LINGO2: variants seen among roughly 807,000 people sequenced by gnomAD.
LINGO2 encodes the protein leucine rich repeat and Ig domain containing 2, also known as leucine-rich repeat and immunoglobulin-like domain-containing nogo receptor-interacting protein 2.
In LINGO2, 14 loss-of-function variants were observed where a neutral mutation model predicts 30.6. The ratio of observed to expected loss-of-function variants is 0.46; its 90% CI spans 0.30 to 0.72. The LOEUF is 0.72. LINGO2 is among the 30% of genes least tolerant of loss of function. The pLI is 0.07. For missense variants in LINGO2, 729 were observed against 751.7 expected (o/e 0.97, Z 0.35); for synonymous variants, 317 against 288.5 (o/e 1.10, Z -1.00).
chr9:28,873,353 C>T, the LINGO2 span, among the ~76,000 whole-genome samples: 1 of 145,694 alleles, frequency 6.9e-6, no homozygotes, highest in Non-Finnish European at 1.5e-5. Context: ...ACTCTCTAGC[C>T]TGGATGACAG....
At chr9:28,043,565 C>A (rs1047341933) in intron 4 of LINGO2, among the ~76,000 whole-genome samples, 1 of 152,180 alleles carries the variant, frequency 6.6e-6, no homozygotes, top group South Asian at 2.1e-4. Context: ...GAATGCTGTT[C>A]TAGTTATTAC....
the LINGO2 span, among the ~76,000 whole-genome samples, chr9:28,774,034 T>C: frequency 2.4e-5 from 3 of 124,422 alleles, no homozygotes; most frequent in Non-Finnish European, 5.0e-5. Context: ...TGTCATTTTC[T>C]TTTTGATACA....
At chr9:29,038,429 G>C in the LINGO2 span, among the ~76,000 whole-genome samples, 2 of 151,980 alleles carry the variant, frequency 1.3e-5, no homozygotes, top group South Asian at 4.1e-4. Flanking sequence ...ACACTGAAGG[G>C]AATGTTCACT....
At chr9:28,068,004 A>T (rs1006416764) in intron 4 of LINGO2, among the ~76,000 whole-genome samples, 2 of 152,042 alleles carry the variant, frequency 1.3e-5, no homozygotes, top group Non-Finnish European at 1.5e-5. Context: ...AATATACTCA[A>T]CAAAGTTGTG....
At chr9:28,630,848 G>A (rs1458538271) in intron 1 of LINGO2, among the ~76,000 whole-genome samples, 1 of 149,348 alleles carries the variant, frequency 6.7e-6, no homozygotes, top group South Asian at 2.1e-4. Flanking sequence ...GTAACCCTCA[G>A]AATCAAAACA....
At chr9:28,470,648 C>T (rs934525784) in intron 2 of LINGO2, among the ~76,000 whole-genome samples, 3 of 152,056 alleles carry the variant, frequency 2.0e-5, no homozygotes, top group African/African-American at 4.8e-5. Flanking sequence ...CAATCATTCT[C>T]CTGCAACAAA....
the LINGO2 span, among the ~76,000 whole-genome samples, chr9:28,799,634 C>G: frequency 1.3e-5 from 2 of 152,140 alleles, no homozygotes; most frequent in African/African-American, 4.8e-5. Flanking sequence ...GCAGTGACCT[C>G]TGAGGCCTGA....
chr9:28,273,457 G>T (rs1009592462), intron 4 of LINGO2, among the ~76,000 whole-genome samples: 7 of 152,190 alleles, frequency 4.6e-5, no homozygotes, highest in Non-Finnish European at 1.0e-4. Flanking sequence ...TGGTCCCTTA[G>T]TATTTTGGTA....
At chr9:29,032,145 T>C in the LINGO2 span, among the ~76,000 whole-genome samples, 1 of 152,168 alleles carries the variant, frequency 6.6e-6, no homozygotes, top group Non-Finnish European at 1.5e-5. Flanking sequence ...ATGCATTTGG[T>C]CCATAAACAT....
chr9:28,401,249 G>A (rs1004890923), intron 2 of LINGO2, among the ~76,000 whole-genome samples: 1 of 151,978 alleles, frequency 6.6e-6, no homozygotes, highest in Admixed American at 6.6e-5. Flanking sequence ...ATGCTGGTTT[G>A]CTGCACCTAT....
At position 27,949,849 on chromosome 9, in the gene LINGO2, G is replaced by C. The variant is rs111405272; in HGVS notation, c.823C>G (p.Leu275Val). ...TTGTAGGAGAGGTTAAGGTGAGTCA[G>C]GTATACCAGGTGTTTAAAGGCAAGG... The change falls in exon 6 of 6, where the codon CTG (leucine) becomes GTG (valine). Residue 275 changes from leucine (L) to valine (V), a missense_variant. Coordinates refer to ENST00000379992, the Ensembl canonical transcript of LINGO2. 47 of 1,613,968 alleles carry C rather than the reference G, an allele frequency of 2.9e-5. No homozygotes were observed. The Admixed American group carries it at 4.0e-4, about 14-fold the overall frequency.
chr9:29,112,828 C>T, the LINGO2 span, among the ~76,000 whole-genome samples: 1 of 152,042 alleles, frequency 6.6e-6, no homozygotes. Context: ...TAAGAAAACA[C>T]ACTCATATAT....
the LINGO2 span, among the ~76,000 whole-genome samples, chr9:28,732,362 AT>A: frequency 6.6e-6 from 1 of 151,126 alleles, no homozygotes; most frequent in Admixed American, 6.6e-5. Flanking sequence ...CCAAAAAAAA[AT>A]GAAAAAAAAA....
At chr9:28,928,514 T>A in the LINGO2 span, among the ~76,000 whole-genome samples, 1 of 152,220 alleles carries the variant, frequency 6.6e-6, no homozygotes, top group African/African-American at 2.4e-5. Flanking sequence ...TTTTTGGAAA[T>A]TAGCTACACA....
chr9:28,619,823 C>G (rs1053940163), intron 1 of LINGO2, among the ~76,000 whole-genome samples: 3 of 152,032 alleles, frequency 2.0e-5, no homozygotes, highest in South Asian at 2.1e-4. Flanking sequence ...TAAGTAGTGA[C>G]AGCTTATAGG....
intron 2 of LINGO2, among the ~76,000 whole-genome samples, chr9:28,428,965 T>A (rs10812820): frequency 0.13 from 19,287 of 152,176 alleles, 1,418 homozygotes; most frequent in East Asian, 0.24. Flanking sequence ...TAGCTCTAAG[T>A]GAACATGATT....
At chr9:28,304,385 T>C (rs1199485289) in intron 3 of LINGO2, among the ~76,000 whole-genome samples, 1 of 151,486 alleles carries the variant, frequency 6.6e-6, no homozygotes, top group East Asian at 1.9e-4. Flanking sequence ...ATGATATGTA[T>C]ATATATGTAA....
chr9:28,593,300 A>C (rs1345743151), intron 1 of LINGO2, among the ~76,000 whole-genome samples: 1 of 152,156 alleles, frequency 6.6e-6, no homozygotes, highest in Non-Finnish European at 1.5e-5. Flanking sequence ...TGCCATGCAC[A>C]TAATTACTAA....
chr9:28,304,369 A>G (rs1195944868), intron 3 of LINGO2, among the ~76,000 whole-genome samples: 1 of 151,434 alleles, frequency 6.6e-6, no homozygotes, highest in African/African-American at 2.4e-5. Flanking sequence ...ATTTATAAAT[A>G]TATACATGAT....
Sources: allele counts gnomAD v4.1 joint callset (sites outside exome capture counted in the v4.1 genomes callset), GRCh38; gene constraint gnomAD v4.1.1; transcripts MANE v1.5; gene names NCBI Gene and HGNC (gene_info 2026-07-23, HGNC 2026-07-21).